The following TENM3 variants were observed in gnomAD, a reference collection of about 807,000 sequenced individuals.
TENM3 encodes teneurin transmembrane protein 3.
In TENM3, 63 loss-of-function variants were observed where a neutral mutation model predicts 255.1. The observed-to-expected ratio is 0.25, with a 90% CI of 0.20 to 0.30. The LOEUF (loss-of-function observed/expected upper bound fraction) is 0.30. Ranked by LOEUF, TENM3 falls within the 10% of genes least tolerant of loss-of-function variation. The pLI is 1.00. For missense variants in TENM3, 2,929 were observed against 3,461.1 expected, an observed-to-expected ratio of 0.85 and a Z score of 3.86; for synonymous variants, 1,306 against 1,322.3, an observed-to-expected ratio of 0.99 and a Z score of 0.27.
chr4:181,722,548 G>T, the TENM3 span, among the ~76,000 whole-genome samples: 35 of 152,120 alleles, frequency 2.3e-4, no homozygotes, highest in African/African-American at 8.4e-4. Context: ...TCAGAGATTT[G>T]TTTCTTTGAG....
At chr4:181,994,270 T>C in the TENM3 span, among the ~76,000 whole-genome samples, 2 of 152,076 alleles carry the variant, frequency 1.3e-5, no homozygotes, top group Admixed American at 6.6e-5. Context: ...ATAATTCAAA[T>C]TGGGGTGGGG....
chr4:182,585,726 C>G (rs1269540344), intron 3 of TENM3, among the ~76,000 whole-genome samples: 1 of 152,204 alleles, frequency 6.6e-6, no homozygotes, highest in South Asian at 2.1e-4. Context: ...CATCTCTATT[C>G]TCTTCATGAT....
At chr4:181,502,498 A>G in the TENM3 span, among the ~76,000 whole-genome samples, 1 of 152,214 alleles carries the variant, frequency 6.6e-6, no homozygotes, top group Non-Finnish European at 1.5e-5. Context: ...CAGGTTTCCT[A>G]AATTTCCTTG....
intron 6 of TENM3, among the ~76,000 whole-genome samples, chr4:182,671,335 G>A (rs1045583062): frequency 2.6e-5 from 4 of 152,138 alleles, no homozygotes; most frequent in African/African-American, 9.7e-5. Context: ...CTTGTTTTCT[G>A]GCCAGATGGA....
At chr4:181,964,279 G>C in the TENM3 span, among the ~76,000 whole-genome samples, 2 of 152,060 alleles carry the variant, frequency 1.3e-5, no homozygotes, top group African/African-American at 4.8e-5. Context: ...CCCCAACAAA[G>C]TAAGATATGG....
At chr4:181,464,250 T>A in the TENM3 span, among the ~76,000 whole-genome samples, 1 of 152,180 alleles carries the variant, frequency 6.6e-6, no homozygotes, top group East Asian at 1.9e-4. Flanking sequence ...AGTAGCCGTG[T>A]TATTTTACAA....
At chr4:182,513,274 A>G (rs1055343496) in intron 3 of TENM3, among the ~76,000 whole-genome samples, 4 of 152,232 alleles carry the variant, frequency 2.6e-5, no homozygotes, top group Non-Finnish European at 4.4e-5. Flanking sequence ...CTAGAAAACT[A>G]TCAGAAGCAT....
At chr4:181,657,574 C>T in the TENM3 span, among the ~76,000 whole-genome samples, 1 of 152,178 alleles carries the variant, frequency 6.6e-6, no homozygotes, top group African/African-American at 2.4e-5. Context: ...CTGCAGAAAG[C>T]ACTTTGGAGG....
At chr4:181,465,912 C>T in the TENM3 span, among the ~76,000 whole-genome samples, 72 of 152,220 alleles carry the variant, frequency 4.7e-4, no homozygotes, top group Non-Finnish European at 5.7e-4. Context: ...GCCACTTGCT[C>T]TTCCTTGGGA....
chr4:181,644,787 G>A, the TENM3 span, among the ~76,000 whole-genome samples: 1 of 152,050 alleles, frequency 6.6e-6, no homozygotes, highest in Admixed American at 6.5e-5. Context: ...AAGACTCCTT[G>A]TAGTCCAATC....
chr4:182,699,121 A>G (rs757428866), intron 12 of TENM3, among the ~76,000 whole-genome samples: 1 of 152,190 alleles, frequency 6.6e-6, no homozygotes, highest in Non-Finnish European at 1.5e-5. Context: ...TTGTGCAGGA[A>G]TTTCTTTCCG....
chr4:181,750,214 G>C, the TENM3 span, among the ~76,000 whole-genome samples: 1 of 152,146 alleles, frequency 6.6e-6, no homozygotes, highest in Non-Finnish European at 1.5e-5. Flanking sequence ...AGCTCACTTT[G>C]TTCATGGTTG....
At chr4:182,447,058 A>C (rs1772980449) in intron 3 of TENM3, among the ~76,000 whole-genome samples, 1 of 152,210 alleles carries the variant, frequency 6.6e-6, no homozygotes, top group Non-Finnish European at 1.5e-5. Flanking sequence ...GAATTTCAAA[A>C]CCCTGAAATA....
chr4:181,800,437 G>A, the TENM3 span, among the ~76,000 whole-genome samples: 1 of 152,264 alleles, frequency 6.6e-6, no homozygotes, highest in Non-Finnish European at 1.5e-5. Flanking sequence ...TTCAAGACCA[G>A]CCTGACCAAT....
At chr4:182,002,290 T>C in the TENM3 span, among the ~76,000 whole-genome samples, 3 of 152,048 alleles carry the variant, frequency 2.0e-5, no homozygotes, top group Admixed American at 6.6e-5. Flanking sequence ...TCAGAGTTGA[T>C]GAAGACCAGG....
chr4:181,941,808 C>G, the TENM3 span, among the ~76,000 whole-genome samples: 1 of 152,162 alleles, frequency 6.6e-6, no homozygotes. Context: ...TTTTCTTTCC[C>G]TGCCAGCTCC....
At chr4:181,458,508 G>A in the TENM3 span, among the ~76,000 whole-genome samples, 7 of 151,840 alleles carry the variant, frequency 4.6e-5, no homozygotes, top group African/African-American at 1.4e-4. Context: ...CAAGAGATGC[G>A]TGCGTAGTAG....
intron 1 of TENM3, among the ~76,000 whole-genome samples, chr4:182,265,713 T>C (rs1228444083): frequency 6.6e-6 from 1 of 152,182 alleles, no homozygotes; most frequent in African/African-American, 2.4e-5. Context: ...TGCCTTTCTG[T>C]GTAGCTATAT....
At chr4:181,983,049 C>G in the TENM3 span, among the ~76,000 whole-genome samples, 5 of 152,116 alleles carry the variant, frequency 3.3e-5, no homozygotes, top group Admixed American at 3.3e-4. Context: ...TATTTTACCT[C>G]TCTGCGTGCC....
Sources: gnomAD v4.1 joint callset for allele counts (sites outside exome capture counted in the v4.1 genomes callset) on GRCh38, gnomAD v4.1.1 for gene constraint, MANE v1.5 for transcripts, NCBI Gene and HGNC (gene_info 2026-07-23, HGNC 2026-07-21) for gene names.